Variants in MTHFS observed in about 807,000 individuals in gnomAD.
MTHFS encodes the protein 5-formyltetrahydrofolate cyclo-ligase.
In MTHFS, 7 loss-of-function variants were observed where a neutral mutation model predicts 12.7. The ratio of observed to expected loss-of-function variants is 0.55; its 90% CI spans 0.31 to 1.03. MTHFS has a LOEUF of 1.03. Ranked by LOEUF, MTHFS falls within the 50% of genes least tolerant of loss-of-function variation. The pLI, the probability that MTHFS is intolerant of heterozygous loss-of-function variation, is 0.05. For missense variants in MTHFS, 252 were observed against 258.1 expected (o/e 0.98, Z 0.16); for synonymous variants, 100 against 97.1 (o/e 1.03, Z -0.18).
chr15:79,850,944 C>T (rs1190239057), intron 2 of MTHFS, among the ~76,000 whole-genome samples: 2 of 152,130 alleles, frequency 1.3e-5, no homozygotes, highest in East Asian at 3.8e-4. Context: ...GCCCCTGACA[C>T]CTCCTAAGAT....
chr15:79,896,779 G>A (rs1289478841), intron 1 of MTHFS, 93 bp downstream of exon 1: 5 of 1,428,296 alleles, frequency 3.5e-6, no homozygotes, highest in Admixed American at 2.2e-5. Context: ...CTAGCCCAGC[G>A]CCAGCACGGA....
intron 2 of MTHFS, among the ~76,000 whole-genome samples, chr15:79,854,143 T>A (rs1057207067): frequency 2.6e-5 from 4 of 152,092 alleles, no homozygotes; most frequent in Non-Finnish European, 5.9e-5. Flanking sequence ...GTGGAATCAG[T>A]CAAACTGGAT....
intron 1 of MTHFS, 111 bp from the exon 2 acceptor site, chr15:79,889,465 G>GAA: frequency 7.0e-6 from 4 of 574,696 alleles, no homozygotes; most frequent in South Asian, 2.3e-5. Flanking sequence ...ATATTAAAAA[G>GAA]AAAAAAAAAG....
At chr15:79,879,835 A>AT (rs2034266571) in intron 2 of MTHFS, among the ~76,000 whole-genome samples, 1 of 152,066 alleles carries the variant, frequency 6.6e-6, no homozygotes, top group Admixed American at 6.6e-5. Flanking sequence ...TAAAATCAAA[A>AT]TTTCTTTCCT....
At chr15:79,851,892 T>C (rs1454232616) in intron 2 of MTHFS, among the ~76,000 whole-genome samples, 1 of 152,196 alleles carries the variant, frequency 6.6e-6, no homozygotes, top group African/African-American at 2.4e-5. Context: ...TGTGTAGGAT[T>C]CTAGACAGGC....
At chr15:79,896,796 A>T in intron 1 of MTHFS, 76 bp downstream of exon 1, 1 of 1,502,910 alleles carries the variant, frequency 6.7e-7, no homozygotes, top group Non-Finnish European at 8.9e-7. Context: ...CGGACCATGC[A>T]CAGATCAGCA....
chr15:79,853,826 T>A (rs143494607), intron 2 of MTHFS, among the ~76,000 whole-genome samples: 6 of 152,216 alleles, frequency 3.9e-5, no homozygotes, highest in Non-Finnish European at 8.8e-5. Flanking sequence ...CTGTTAGAAA[T>A]AGCCTTTCTC....
chr15:79,895,000 C>T (rs1366252387), intron 1 of MTHFS, among the ~76,000 whole-genome samples: 2 of 152,148 alleles, frequency 1.3e-5, no homozygotes, highest in Non-Finnish European at 2.9e-5. Flanking sequence ...TTATACTCTT[C>T]CTAAAGGACA....
At chr15:79,891,210 C>T (rs1301496715) in intron 1 of MTHFS, among the ~76,000 whole-genome samples, 3 of 152,192 alleles carry the variant, frequency 2.0e-5, no homozygotes, top group Non-Finnish European at 4.4e-5. Context: ...ATCCACTCCT[C>T]CCTTGAAATC....
intron 1 of MTHFS, 187 bp downstream of exon 1, chr15:79,896,685 G>C (rs1017179106): frequency 6.3e-6 from 7 of 1,105,050 alleles, no homozygotes; most frequent in Middle Eastern, 2.6e-4. Flanking sequence ...CCCCGCCATA[G>C]TGCCAAGAGC....
At chr15:79,873,830 C>T (rs1463077249) in intron 2 of MTHFS, among the ~76,000 whole-genome samples, 1 of 152,192 alleles carries the variant, frequency 6.6e-6, no homozygotes, top group Non-Finnish European at 1.5e-5. Flanking sequence ...AAAATTACAG[C>T]TTTACTTGCC....
At chr15:79,891,859 T>C (rs2034477068) in intron 1 of MTHFS, among the ~76,000 whole-genome samples, 1 of 150,008 alleles carries the variant, frequency 6.7e-6, no homozygotes, top group Non-Finnish European at 1.5e-5. Flanking sequence ...TCCCAGCTAC[T>C]TGAGAGGCTG....
chr15:79,866,625 C>T (rs986332009), intron 2 of MTHFS, among the ~76,000 whole-genome samples: 1 of 152,190 alleles, frequency 6.6e-6, no homozygotes, highest in Admixed American at 6.5e-5. Flanking sequence ...AGGGCAAACA[C>T]ACGACCTTCC....
At chr15:79,868,734 C>A (rs2034053885) in intron 2 of MTHFS, among the ~76,000 whole-genome samples, 1 of 152,248 alleles carries the variant, frequency 6.6e-6, no homozygotes, top group South Asian at 2.1e-4. Flanking sequence ...ATAGGCTCCC[C>A]TGGTTCTCAG....
intron 2 of MTHFS, among the ~76,000 whole-genome samples, chr15:79,855,413 G>A (rs2033781600): frequency 6.6e-6 from 1 of 152,116 alleles, no homozygotes. Context: ...AAACAGAGAA[G>A]ACATTAGAAC....
intron 2 of MTHFS, among the ~76,000 whole-genome samples, chr15:79,865,088 T>C (rs1239577296): frequency 6.6e-6 from 1 of 152,200 alleles, no homozygotes; most frequent in Non-Finnish European, 1.5e-5. Flanking sequence ...CTTTTGCAGA[T>C]TCAAAAGGTT....
At chr15:79,882,064 T>C (rs541214967) in intron 2 of MTHFS, among the ~76,000 whole-genome samples, 14 of 152,160 alleles carry the variant, frequency 9.2e-5, no homozygotes, top group Non-Finnish European at 2.1e-4. Context: ...AAAATTACAA[T>C]TGCTTTCATT....
Position 79,845,049 on chromosome 15 carries a change from A to T in MTHFS, c.*161T>A. On this transcript the variant is annotated 3_prime_UTR_variant, in exon 3 of 3. Coordinates refer to ENST00000258874, the MANE Select transcript of MTHFS (RefSeq NM_006441.4). ...ACTATTCACACTTCTATTGGTTTTT[A>T]AAGATGGTTTTATATAAGGTATTTC... The T allele has an allele frequency of 1.0e-6, 1 of 973,722 alleles. No homozygotes were observed. The highest frequency in any genetic ancestry group is 1.5e-6 in the Non-Finnish European group (1 of 680,136). The allele number at this position is 973,722 out of a possible 1,614,324, so 60.3% of individuals were successfully genotyped here. A position where few individuals can be genotyped will look rare whatever the true frequency, so the allele number is the denominator to read the frequency against.
chr15:79,893,306 G>A (rs111765180), intron 1 of MTHFS, among the ~76,000 whole-genome samples: 4,240 of 151,708 alleles, frequency 0.028, 199 homozygotes, highest in African/African-American at 0.097. Context: ...GGGAGGCTGA[G>A]GCACAGAACT....
Sources: allele counts gnomAD v4.1 joint callset (sites outside exome capture counted in the v4.1 genomes callset), GRCh38; gene constraint gnomAD v4.1.1; transcripts MANE v1.5; gene names NCBI Gene and HGNC (gene_info 2026-07-23, HGNC 2026-07-21).